Variants in ASXL1 observed in about 807,000 individuals in gnomAD.
The protein encoded by ASXL1 is ASXL transcriptional regulator 1, also known as polycomb group protein ASXL1.
Under a neutral mutation model 89.1 loss-of-function variants are expected in ASXL1, and 65 were observed. The observed-to-expected ratio is 0.73, with a 90% CI of 0.60 to 0.90. ASXL1 has a LOEUF of 0.90. Ranked by LOEUF, ASXL1 falls within the 40% of genes least tolerant of loss-of-function variation. The pLI is 0.00. For missense variants in ASXL1, 1,786 were observed against 1,942.9 expected, an observed-to-expected ratio of 0.92 and a Z score of 1.52; for synonymous variants, 739 against 746.9, an observed-to-expected ratio of 0.99 and a Z score of 0.17.
intron 4 of ASXL1, among the ~76,000 whole-genome samples, chr20:32,393,443 G>T (rs1235207485): frequency 6.6e-6 from 1 of 151,722 alleles, no homozygotes; most frequent in African/African-American, 2.4e-5. Flanking sequence ...CCTTTTAATT[G>T]GAGTTTGTAG....
intron 2 of ASXL1, 177 bp downstream of exon 2, chr20:32,366,643 G>A (rs1341541717): frequency 1.2e-6 from 1 of 864,220 alleles, no homozygotes; most frequent in Admixed American, 6.2e-5. Flanking sequence ...GGCAGTGGGT[G>A]AACATCCATT....
Position 32,358,972 on chromosome 20 carries a change from G to C in ASXL1, c.57+140G>C, listed in dbSNP as rs1336774701. On this transcript the variant is annotated intron_variant, in intron 1 of 12. Transcript: ENST00000375687. ...GCCATCTTCCTTTAAGAACGGGACA[G>C]CCCCGCAAGGCGAGGGGTGGGGAGC... The C allele has an allele frequency of 3.2e-6, 3 of 939,582 alleles. No individual in the cohort carries two copies. The East Asian group carries it at 8.5e-5, about 27-fold the overall frequency. The allele number at this position is 939,582 out of a possible 1,614,324, so 58.2% of individuals were successfully genotyped here.
At chr20:32,380,947 T>C (rs1453330612) in intron 4 of ASXL1, among the ~76,000 whole-genome samples, 1 of 151,968 alleles carries the variant, frequency 6.6e-6, no homozygotes, top group Non-Finnish European at 1.5e-5. Flanking sequence ...ACTTTTCTGC[T>C]TGGCCTTTGC....
In ASXL1 at chr20:32,439,227, T is replaced by A. The variant is rs780433604; in HGVS notation, c.*1889T>A. 4.7e-5 allele frequency: 11 copies of A among 233,412 alleles called. No homozygotes were observed. Among genetic ancestry groups the A allele is most frequent in the Non-Finnish European group, 6.8e-5 (8 of 117,930 alleles). 14.5% of individuals were successfully genotyped at this position (233,412 alleles called of 1,614,324 possible). A position where few individuals can be genotyped will look rare whatever the true frequency, so the allele number is the denominator to read the frequency against. On this transcript the variant is annotated 3_prime_UTR_variant, in exon 13 of 13. Coordinates refer to ENST00000375687, the MANE Select transcript of ASXL1 (RefSeq NM_015338.6). ...CTTTGGGGACACTCAAGGGTACAGT[T>A]TGACACTGATCTGGTCCATGAGGCT...
intron 4 of ASXL1, among the ~76,000 whole-genome samples, chr20:32,423,667 C>T (rs1187639186): frequency 1.3e-5 from 2 of 152,186 alleles, no homozygotes; most frequent in African/African-American, 4.8e-5. Flanking sequence ...CCTCCTGCCA[C>T]AACCTCCCGA....
intron 4 of ASXL1, among the ~76,000 whole-genome samples, chr20:32,407,353 A>G (rs2048972823): frequency 6.6e-6 from 1 of 152,006 alleles, no homozygotes; most frequent in Non-Finnish European, 1.5e-5. Context: ...CGGGGGGAAA[A>G]AAAAGAATTG....
intron 1 of ASXL1, chr20:32,360,116 T>G: frequency 3.3e-6 from 1 of 304,346 alleles, no homozygotes; most frequent in Non-Finnish European, 6.2e-6. Flanking sequence ...AAACCTGAAG[T>G]ACACCTTTTT....
In ASXL1 at chr20:32,438,004, G is replaced by C. The variant is rs1180672337; in HGVS notation, c.*666G>C. On this transcript the variant is annotated 3_prime_UTR_variant, in exon 13 of 13. Coordinates refer to ENST00000375687, the MANE Select transcript of ASXL1 (RefSeq NM_015338.6). ...TGAATAGCTCTGCTTGGACAATGGG[G>C]TTGGGGAATAGGGTTGTCTTTCCTA... 4.3e-6 allele frequency: 1 copy of C among 234,260 alleles called. No homozygotes were observed. The highest frequency in any genetic ancestry group is 2.2e-5 in the African/African-American group (1 of 45,340). 14.5% of individuals were successfully genotyped at this position (234,260 alleles called of 1,614,324 possible).
At chr20:32,396,386 C>G (rs149075604) in intron 4 of ASXL1, among the ~76,000 whole-genome samples, 26 of 152,272 alleles carry the variant, frequency 1.7e-4, no homozygotes, top group African/African-American at 6.3e-4. Flanking sequence ...GATGAGTTAG[C>G]TGGAAACTAA....
At chr20:32,395,026 A>C (rs917884855) in intron 4 of ASXL1, among the ~76,000 whole-genome samples, 1 of 152,160 alleles carries the variant, frequency 6.6e-6, no homozygotes, top group Non-Finnish European at 1.5e-5. Flanking sequence ...AAAAGATTTT[A>C]AAAGTAAGAA....
chr20:32,414,497 C>T (rs1179905971), intron 4 of ASXL1, among the ~76,000 whole-genome samples: 1 of 151,708 alleles, frequency 6.6e-6, no homozygotes, highest in Non-Finnish European at 1.5e-5. Flanking sequence ...TTGCTTACGA[C>T]CAGGAGTTTG....
chr20:32,384,315 T>G (rs1366444090), intron 4 of ASXL1, among the ~76,000 whole-genome samples: 1 of 149,264 alleles, frequency 6.7e-6, no homozygotes, highest in Non-Finnish European at 1.5e-5. Flanking sequence ...CAAGCGATTC[T>G]CCTGCCTTGG....
At chr20:32,394,557 TA>T (rs1472456213) in intron 4 of ASXL1, among the ~76,000 whole-genome samples, 3 of 152,256 alleles carry the variant, frequency 2.0e-5, no homozygotes, top group Non-Finnish European at 4.4e-5. Context: ...CAGTCTTTAA[TA>T]TTATACCACT....
chr20:32,411,550 TTTTTTTTA>T (rs1280124960), intron 4 of ASXL1, among the ~76,000 whole-genome samples: 1 of 123,314 alleles, frequency 8.1e-6, no homozygotes, highest in Non-Finnish European at 1.7e-5. Flanking sequence ...TTTTTTTTTT[TTTTTTTTA>T]AAATATGAAG....
chr20:32,433,007 G>A, intron 11 of ASXL1, 22 bp downstream of exon 11: 1 of 1,612,990 alleles, frequency 6.2e-7, no homozygotes. Context: ...GGAGCTATGA[G>A]TCCTGGTCTG....
intron 4 of ASXL1, among the ~76,000 whole-genome samples, chr20:32,398,212 TA>T (rs1233028287): frequency 6.6e-6 from 1 of 152,220 alleles, no homozygotes; most frequent in Admixed American, 6.5e-5. Context: ...TTAACCATTT[TA>T]TTTTTTTAAT....
At chr20:32,371,739 T>A (rs556203679) in intron 4 of ASXL1, 18 of 444,806 alleles carry the variant, frequency 4.0e-5, no homozygotes, top group Non-Finnish European at 7.7e-5. Context: ...CCGAGTAGCG[T>A]ACACCATCAC....
At position 32,430,038 on chromosome 20, in the gene ASXL1, C is replaced by T. The variant is rs1234855061; in HGVS notation, c.703C>T (p.Arg235Trp). The part of the protein sequence containing the change: ...QDPAPLLRGF[R>W]KPATGQMKRN... ...CCCTGCCCCGCTCCTGAGAGGCTTC[C>T]GGAAGCCAGCCACAGGTGAGTGGCG... Residue 235 changes from arginine (R) to tryptophan (W), a missense_variant, in exon 8 of 13, where the codon CGG (arginine) becomes TGG (tryptophan). Physicochemically the swap from Arg to Trp is moderately radical, Grantham distance 101. Around this residue, in one of 3 missense-constraint regions of ASXL1, gnomAD observed 332 missense variants for 449.7 expected, o/e 0.74. Coordinates refer to ENST00000375687, the MANE Select transcript of ASXL1 (RefSeq NM_015338.6). The T allele has an allele frequency of 6.2e-6, 10 of 1,604,424 alleles. No homozygotes were observed. The highest frequency in any genetic ancestry group is 1.6e-4 in the Middle Eastern group (1 of 6,068).
chr20:32,430,160 C>G, intron 8 of ASXL1, 107 bp downstream of exon 8: 2 of 1,380,878 alleles, frequency 1.4e-6, no homozygotes, highest in East Asian at 2.5e-5. Context: ...ATTTTTACTT[C>G]TTGGGTGGCC....
Sources: gnomAD v4.1 joint callset for allele counts (sites outside exome capture counted in the v4.1 genomes callset) on GRCh38, gnomAD v4.1.1 for gene constraint, gnomAD v4.1.1 regional missense constraint, MANE v1.5 for transcripts, NCBI Gene and HGNC (gene_info 2026-07-23, HGNC 2026-07-21) for gene names.